Variants in YAP1 observed in about 807,000 individuals in gnomAD.
YAP1 encodes the protein Yes1 associated transcriptional regulator.
A neutral mutation model predicts 56.9 loss-of-function variants in YAP1; 5 were observed. That is an observed-to-expected ratio of 0.09 (90% CI 0.05 to 0.18). The LOEUF (loss-of-function observed/expected upper bound fraction) is 0.18, where lower values mean the gene tolerates loss of function less well. Among genes scored for constraint, YAP1 ranks in the 10% least tolerant of loss-of-function variants. The pLI, the probability that YAP1 is intolerant of heterozygous loss-of-function variation, is 1.00. For missense variants in YAP1, 539 were observed against 651.8 expected, an observed-to-expected ratio of 0.83 and a Z score of 1.88; for synonymous variants, 265 against 248.1, an observed-to-expected ratio of 1.07 and a Z score of -0.64.
At chr11:102,204,571 G>A (rs571159581) in intron 4 of YAP1, among the ~76,000 whole-genome samples, 16 of 152,330 alleles carry the variant, frequency 1.1e-4, no homozygotes, top group African/African-American at 3.8e-4. Flanking sequence ...GCCCAGCCTT[G>A]TGAGGTTTTG....
chr11:102,119,671 C>T (rs1328605743), intron 2 of YAP1, among the ~76,000 whole-genome samples: 1 of 147,854 alleles, frequency 6.8e-6, no homozygotes, highest in African/African-American at 2.5e-5. Context: ...TTTTTACAAC[C>T]CTAAAATAAG....
intron 3 of YAP1, among the ~76,000 whole-genome samples, chr11:102,183,583 AGAATATAAGT>A (rs1947758470): frequency 2.0e-5 from 3 of 152,060 alleles, no homozygotes; most frequent in African/African-American, 7.2e-5. Flanking sequence ...CCCATCGGAG[AGAATATAAGT>A]GGAATTTACA....
chr11:102,183,739 T>TGTGTGTGTGTGTGTGTGTGTGTG (rs1565241068), intron 3 of YAP1, among the ~76,000 whole-genome samples: 6 of 150,758 alleles, frequency 4.0e-5, no homozygotes, highest in African/African-American at 1.5e-4. Flanking sequence ...TGTGTGTGTG[T>TGTGTGTGTGTGTGTGTGTGTGTG]TTAAACCACA....
At chr11:102,119,540 T>C (rs1274272541) in intron 2 of YAP1, among the ~76,000 whole-genome samples, 1 of 151,982 alleles carries the variant, frequency 6.6e-6, no homozygotes, top group African/African-American at 2.4e-5. Context: ...TAATTTTCTT[T>C]TTAAAGTCAC....
chr11:102,179,449 ATAAT>A (rs1449448688), intron 3 of YAP1, among the ~76,000 whole-genome samples: 2 of 152,146 alleles, frequency 1.3e-5, no homozygotes, highest in Admixed American at 6.6e-5. Context: ...ACTGGTTGAA[ATAAT>A]TAAAGTTTTT....
At chr11:102,114,024 T>C in intron 1 of YAP1, 120 bp from the exon 2 acceptor site, 2 of 986,964 alleles carry the variant, frequency 2.0e-6, no homozygotes, top group Non-Finnish European at 2.8e-6. Flanking sequence ...GAATATTAAA[T>C]GTTGAAATTT....
chr11:102,124,859 C>A (rs1385017671), intron 2 of YAP1, among the ~76,000 whole-genome samples: 1 of 152,110 alleles, frequency 6.6e-6, no homozygotes, highest in African/African-American at 2.4e-5. Context: ...CCTCAGTGTC[C>A]TAAGTAGCTG....
chr11:102,164,263 G>C lies in YAP1; in HGVS notation c.688+1692G>C, dbSNP rs993135378. Among the ~76,000 whole-genome samples, 5 of 152,136 alleles carry C rather than the reference G, an allele frequency of 3.3e-5. 1 individual carries two copies. The highest frequency in any genetic ancestry group is 1.3e-4 in the Admixed American group (2 of 15,282). On this transcript the variant is annotated intron_variant, in intron 3 of 8. Coordinates refer to ENST00000282441, the MANE Select transcript of YAP1 (RefSeq NM_001130145.3). Reference sequence around the variant, plus strand: ...TTGGCCAGGCTGGTCTCAAACTCCTGACCTTGTGATCTGCCCACCTTGGCC... The same window carrying C: ...TTGGCCAGGCTGGTCTCAAACTCCTCACCTTGTGATCTGCCCACCTTGGCC...
chr11:102,228,634 CAAAAAAA>C (rs71059544), intron 8 of YAP1, among the ~76,000 whole-genome samples: 1,021 of 31,612 alleles, frequency 0.032, 10 homozygotes, highest in East Asian at 0.11. Flanking sequence ...GACTCCGTCT[CAAAAAAA>C]AAAAAAAAAA....
At chr11:102,204,983 A>G (rs960141101) in intron 4 of YAP1, among the ~76,000 whole-genome samples, 1 of 152,132 alleles carries the variant, frequency 6.6e-6, no homozygotes, top group African/African-American at 2.4e-5. Context: ...TAAGTTGAAT[A>G]TGTATCTGAA....
rs931799066 is a variant in YAP1, at chr11:102,232,894, C to T, written c.*2954C>T. Reference sequence around the variant, plus strand: ...GTAGTGCCTTTAAAGGAAAAATGAACACAGGGAAGTGACTTTGCTACAAAT... The same window carrying T: ...GTAGTGCCTTTAAAGGAAAAATGAATACAGGGAAGTGACTTTGCTACAAAT... On this transcript the variant is annotated 3_prime_UTR_variant, in exon 9 of 9. Transcript: ENST00000282441. The T allele has an allele frequency of 7.2e-5, 11 of 152,316 alleles. No homozygotes were observed. The highest frequency in any genetic ancestry group is 2.7e-4 in the African/African-American group (11 of 41,408). 9.4% of individuals were successfully genotyped at this position (152,316 alleles called of 1,614,324 possible). A position where few individuals can be genotyped will look rare whatever the true frequency, so the allele number is the denominator to read the frequency against.
At chr11:102,205,386 A>G (rs530698099) in intron 4 of YAP1, among the ~76,000 whole-genome samples, 1 of 152,240 alleles carries the variant, frequency 6.6e-6, no homozygotes, top group South Asian at 2.1e-4. Context: ...TGAATTTTTA[A>G]TTTATATATT....
chr11:102,201,854 CTAAA>C lies in YAP1; in HGVS notation c.803-4036_803-4033del, dbSNP rs544790740. Among the ~76,000 whole-genome samples, 198 of 151,986 alleles carry C rather than the reference CTAAA, an allele frequency of 1.3e-3. 2 individuals are homozygous for C. The highest frequency in any genetic ancestry group is 4.3e-3 in the African/African-American group (178 of 41,466). Reference sequence around the variant, plus strand: ...CCCCCTAGTACGCAGAGTAATGTCTCTAAATACCATTTCCCACTCAAAGAAATCA... The same window carrying C: ...CCCCCTAGTACGCAGAGTAATGTCTCTACCATTTCCCACTCAAAGAAATCA... On this transcript the variant is annotated intron_variant, in intron 4 of 8. Transcript: ENST00000282441.
intron 2 of YAP1, among the ~76,000 whole-genome samples, chr11:102,159,112 C>T (rs7941694): frequency 6.6e-6 from 1 of 152,082 alleles, no homozygotes; most frequent in African/African-American, 2.4e-5. Flanking sequence ...TGTTGTTCCC[C>T]TTCCCCTAGG....
intron 2 of YAP1, among the ~76,000 whole-genome samples, chr11:102,126,954 C>T (rs187161698): frequency 3.2e-4 from 48 of 152,200 alleles, no homozygotes; most frequent in Middle Eastern, 3.4e-3. Context: ...GGCAGTTTGC[C>T]CTTGCCCTAG....
chr11:102,116,813 T>A (rs145848021), intron 2 of YAP1, among the ~76,000 whole-genome samples: 1 of 152,162 alleles, frequency 6.6e-6, no homozygotes, highest in Non-Finnish European at 1.5e-5. Context: ...TATAAAACTT[T>A]TAAGAACTAG....
intron 3 of YAP1, among the ~76,000 whole-genome samples, chr11:102,170,851 C>T (rs1946860004): frequency 6.6e-6 from 1 of 151,814 alleles, no homozygotes; most frequent in Non-Finnish European, 1.5e-5. Context: ...TGCCTGTAAT[C>T]CCAGCTACTC....
rs1946776035 is a variant in YAP1, at chr11:102,169,302, A to ACCAG, written c.688+6731_688+6732insCCAG. Among the ~76,000 whole-genome samples, 5 of 152,232 alleles carry ACCAG rather than the reference A, an allele frequency of 3.3e-5. No individual in the cohort carries two copies. In the South Asian group the frequency reaches 6.2e-4, roughly 19 times the overall value. ...TATTTTAGAATTTAATCAGTTTGTAATACCTGGTAGCCACTGTTACTTTGT... is the reference window on the plus strand; with the variant it reads ...TATTTTAGAATTTAATCAGTTTGTAACCAGTACCTGGTAGCCACTGTTACTTTGT... On this transcript the variant is annotated intron_variant, in intron 3 of 8. Transcript: ENST00000282441.
intron 7 of YAP1, 48 bp downstream of exon 7, chr11:102,223,800 T>C: frequency 6.2e-7 from 1 of 1,609,804 alleles, no homozygotes; most frequent in Non-Finnish European, 8.5e-7. Flanking sequence ...ATCATTGCTT[T>C]AAAATCATTC....
Sources: gnomAD v4.1 joint callset for allele counts (sites outside exome capture counted in the v4.1 genomes callset) on GRCh38, gnomAD v4.1.1 for gene constraint, MANE v1.5 for transcripts, NCBI Gene and HGNC (gene_info 2026-07-23, HGNC 2026-07-21) for gene names.